Variants in FLVCR2 observed in about 807,000 individuals in gnomAD.
The protein encoded by FLVCR2 is FLVCR choline and putative heme transporter 2.
In FLVCR2, 38 loss-of-function variants were observed where a neutral mutation model predicts 48.9. That is an observed-to-expected ratio of 0.78 (90% CI 0.60 to 1.02). FLVCR2 has a LOEUF of 1.02. Ranked by LOEUF, FLVCR2 falls within the 50% of genes least tolerant of loss-of-function variation. The probability of loss-of-function intolerance (pLI) is 0.00; values close to 1 mark genes in which losing one functional copy is unlikely to be tolerated. For missense variants in FLVCR2, 664 were observed against 663.3 expected, an observed-to-expected ratio of 1.00 and a Z score of -0.01; for synonymous variants, 255 against 257.0, an observed-to-expected ratio of 0.99 and a Z score of 0.07.
chr14:75,643,625 C>G (rs1445556503), intron 9 of FLVCR2, among the ~76,000 whole-genome samples: 1 of 152,176 alleles, frequency 6.6e-6, no homozygotes, highest in Non-Finnish European at 1.5e-5. Context: ...CAGGCAGCAG[C>G]AGAAAAGCAT....
chr14:75,618,689 C>T (rs897908870), intron 1 of FLVCR2, among the ~76,000 whole-genome samples: 3 of 152,040 alleles, frequency 2.0e-5, no homozygotes, highest in Non-Finnish European at 4.4e-5. Context: ...TGATTTGTAC[C>T]CCAGAGGTTT....
intron 3 of FLVCR2, chr14:75,632,564 T>G (rs1033556955): frequency 8.6e-6 from 6 of 699,512 alleles, no homozygotes; most frequent in East Asian, 2.7e-5. Context: ...TTAGCCATCA[T>G]CTGAAAGACA....
chr14:75,588,074 G>T (rs1042576538), intron 1 of FLVCR2, among the ~76,000 whole-genome samples: 1 of 152,154 alleles, frequency 6.6e-6, no homozygotes, highest in Admixed American at 6.5e-5. Flanking sequence ...TCTAGCAGCC[G>T]CATTAAAGAT....
intron 1 of FLVCR2, among the ~76,000 whole-genome samples, chr14:75,579,875 G>T (rs748467371): frequency 6.6e-6 from 1 of 152,224 alleles, no homozygotes; most frequent in Non-Finnish European, 1.5e-5. Flanking sequence ...CATGCTTCTA[G>T]AACATACTAT....
chr14:75,578,823 C>T lies in FLVCR2; in HGVS notation c.-150C>T, dbSNP rs1475461775. 1 of 738,590 alleles carries T rather than the reference C, an allele frequency of 1.4e-6. No homozygotes were observed. Among genetic ancestry groups the T allele is most frequent in the Non-Finnish European group, 2.3e-6 (1 of 430,868 alleles). The allele number at this position is 738,590 out of a possible 1,614,324, so 45.8% of individuals were successfully genotyped here. On this transcript the variant is annotated 5_prime_UTR_variant, in exon 1 of 10. Transcript: ENST00000238667. ...AGCTTGGAGGTGAGCACAGGAAGCC[C>T]CACTTGAGGCTTTTACGCAGCCTCT...
chr14:75,586,700 G>A (rs2140005462), intron 1 of FLVCR2, among the ~76,000 whole-genome samples: 1 of 152,104 alleles, frequency 6.6e-6, no homozygotes, highest in Non-Finnish European at 1.5e-5. Flanking sequence ...CATAACGCTT[G>A]TACTCCGGTA....
rs927549455 is a variant in FLVCR2, at chr14:75,578,677, C to G, written c.-296C>G. 2.0e-6 allele frequency: 1 copy of G among 509,956 alleles called. No homozygotes were observed. The highest frequency in any genetic ancestry group is 1.9e-5 in the African/African-American group (1 of 51,790). 31.6% of individuals were successfully genotyped at this position (509,956 alleles called of 1,614,324 possible). A position where few individuals can be genotyped will look rare whatever the true frequency, so the allele number is the denominator to read the frequency against. Reference sequence around the variant, plus strand: ...GAGAGAACTTTTCCTGCACAAGGAACGCCTCGTGGGGAGACCCAAGGCAGG... The same window carrying G: ...GAGAGAACTTTTCCTGCACAAGGAAGGCCTCGTGGGGAGACCCAAGGCAGG... On this transcript the variant is annotated 5_prime_UTR_variant, in exon 1 of 10. Transcript: ENST00000238667.
chr14:75,630,353 CT>C (rs1890009920), intron 3 of FLVCR2, among the ~76,000 whole-genome samples: 1 of 152,082 alleles, frequency 6.6e-6, no homozygotes, highest in Non-Finnish European at 1.5e-5. Context: ...GGTCCCTGAT[CT>C]TTTGTATCTT....
intron 5 of FLVCR2, among the ~76,000 whole-genome samples, chr14:75,635,799 G>A (rs1890154179): frequency 6.6e-6 from 1 of 152,104 alleles, no homozygotes; most frequent in Non-Finnish European, 1.5e-5. Flanking sequence ...AGGAGGTGGA[G>A]GTTGCTGTGA....
intron 8 of FLVCR2, 25 bp downstream of exon 8, chr14:75,641,318 T>G (rs957373127): frequency 3.8e-6 from 6 of 1,565,830 alleles, no homozygotes; most frequent in Middle Eastern, 1.7e-4. Context: ...GAGGGCAAGA[T>G]GAGGCTCAGG....
intron 1 of FLVCR2, among the ~76,000 whole-genome samples, chr14:75,607,884 G>A (rs1037389234): frequency 1.3e-5 from 2 of 152,036 alleles, no homozygotes; most frequent in Non-Finnish European, 2.9e-5. Context: ...GCCAGTCTTC[G>A]CAACATAGTG....
intron 9 of FLVCR2, among the ~76,000 whole-genome samples, chr14:75,643,764 A>G (rs553578371): frequency 1.7e-4 from 26 of 152,318 alleles, no homozygotes; most frequent in Admixed American, 2.6e-4. Flanking sequence ...TTTCACCCAC[A>G]CTGTGTACAA....
chr14:75,639,716 T>G (rs1359566704), intron 6 of FLVCR2, among the ~76,000 whole-genome samples: 1 of 151,968 alleles, frequency 6.6e-6, no homozygotes. Context: ...CTGTTCAGAG[T>G]CTTTTTCAGT....
At chr14:75,615,975 C>T (rs1439295854) in intron 1 of FLVCR2, among the ~76,000 whole-genome samples, 4 of 138,528 alleles carry the variant, frequency 2.9e-5, no homozygotes, top group Admixed American at 7.9e-5. Flanking sequence ...TGCAGTGAGC[C>T]GAGATCGTGC....
chr14:75,595,264 A>C (rs1888990313), intron 1 of FLVCR2, among the ~76,000 whole-genome samples: 1 of 152,252 alleles, frequency 6.6e-6, no homozygotes, highest in Admixed American at 6.5e-5. Flanking sequence ...AGATGGCCGC[A>C]TAAGCAATGG....
intron 1 of FLVCR2, among the ~76,000 whole-genome samples, chr14:75,619,094 G>A (rs1566791414): frequency 6.6e-6 from 1 of 151,862 alleles, no homozygotes; most frequent in Admixed American, 6.6e-5. Flanking sequence ...CATGTTGGTG[G>A]GCACCTGTAA....
At chr14:75,645,606 T>A (rs1051664818) in intron 9 of FLVCR2, among the ~76,000 whole-genome samples, 1 of 152,172 alleles carries the variant, frequency 6.6e-6, no homozygotes, top group African/African-American at 2.4e-5. Flanking sequence ...CTTTGGCATC[T>A]ACTGCATGTT....
At chr14:75,636,842 C>A (rs1890177798) in intron 5 of FLVCR2, among the ~76,000 whole-genome samples, 1 of 152,176 alleles carries the variant, frequency 6.6e-6, no homozygotes, top group South Asian at 2.1e-4. Context: ...ACTGGGACTA[C>A]AAATAGTTTT....
At chr14:75,619,967 G>A (rs113212415) in intron 1 of FLVCR2, among the ~76,000 whole-genome samples, 26 of 152,262 alleles carry the variant, frequency 1.7e-4, no homozygotes, top group African/African-American at 6.3e-4. Context: ...TCCTGTGTTG[G>A]GACCTCAGAG....
Sources: gnomAD v4.1 joint callset for allele counts (sites outside exome capture counted in the v4.1 genomes callset) on GRCh38, gnomAD v4.1.1 for gene constraint, MANE v1.5 for transcripts, NCBI Gene and HGNC (gene_info 2026-07-23, HGNC 2026-07-21) for gene names.